BCL2: variants seen among roughly 807,000 people sequenced by gnomAD.
The protein encoded by BCL2 is apoptosis regulator Bcl-2.
A neutral mutation model predicts 14.2 loss-of-function variants in BCL2; 1 was observed. The ratio of observed to expected loss-of-function variants is 0.07; its 90% CI spans 0.02 to 0.33. The LOEUF (loss-of-function observed/expected upper bound fraction) is 0.33. Among genes scored for constraint, BCL2 ranks in the 10% least tolerant of loss-of-function variants. The probability of loss-of-function intolerance (pLI) is 0.99; values close to 1 mark genes in which losing one functional copy is unlikely to be tolerated. For synonymous variants in BCL2, 151 were observed against 137.2 expected (o/e 1.10, Z -0.70); for missense variants, 247 against 305.9 (o/e 0.81, Z 1.44).
At chr18:63,202,240 C>T (rs944302173) in intron 2 of BCL2, among the ~76,000 whole-genome samples, 4 of 152,060 alleles carry the variant, frequency 2.6e-5, no homozygotes, top group African/African-American at 9.7e-5. Flanking sequence ...ACTCAGGAGG[C>T]GGAGGTTGCA....
intron 2 of BCL2, among the ~76,000 whole-genome samples, chr18:63,286,006 T>C (rs1912461963): frequency 6.6e-6 from 1 of 152,242 alleles, no homozygotes; most frequent in African/African-American, 2.4e-5. Flanking sequence ...ATGCCCTTAC[T>C]TCTCCTGGGT....
In BCL2 at chr18:63,291,750, C is replaced by T. The variant is rs1453613226; in HGVS notation, c.585+26332G>A. Among the ~76,000 whole-genome samples, 5 of 147,186 alleles carry T rather than the reference C, an allele frequency of 3.4e-5. No homozygotes were observed. The East Asian group carries it at 5.9e-4, about 17-fold the overall frequency. ...TCTTTTTTTTTTTTTCTCAATAAAGCGGGAAAAAATGCTGAAAGAATTTTT... is the reference window on the plus strand; with the variant it reads ...TCTTTTTTTTTTTTTCTCAATAAAGTGGGAAAAAATGCTGAAAGAATTTTT... On this transcript the variant is annotated intron_variant, in intron 2 of 2. Transcript: ENST00000333681.
At chr18:63,185,888 C>T (rs757054322) in intron 2 of BCL2, among the ~76,000 whole-genome samples, 3 of 152,192 alleles carry the variant, frequency 2.0e-5, no homozygotes, top group Non-Finnish European at 4.4e-5. Context: ...CTATCTTTTT[C>T]CATTACATAT....
At chr18:63,208,273 TTTTG>T in intron 2 of BCL2, 1 of 152,348 alleles carries the variant, frequency 6.6e-6, no homozygotes. Context: ...CAAGGCAATC[TTTTG>T]TTTATGAAAA....
rs368096361 is a variant in BCL2 at position 63,247,748 on chromosome 18, C to T, written c.585+70334G>A. Among the ~76,000 whole-genome samples, 28 of 152,274 alleles carry T rather than the reference C, an allele frequency of 1.8e-4. 1 individual carries two copies. The East Asian group carries it at 4.1e-3, about 22-fold the overall frequency. On this transcript the variant is annotated intron_variant, in intron 2 of 2. Coordinates refer to ENST00000333681, the MANE Select transcript of BCL2 (RefSeq NM_000633.3). Reference sequence around the variant, plus strand: ...TGAGGGATGCCCTGTCACCAAGCCACCATTCCAGTGCCAAGCTGGCCTCCC... The same window carrying T: ...TGAGGGATGCCCTGTCACCAAGCCATCATTCCAGTGCCAAGCTGGCCTCCC...
At chr18:63,320,055 CGCGGCGGGGCCACGGAGA>C (rs1426979348), upstream of BCL2, 1 of 146,386 alleles carries the variant, frequency 6.8e-6, no homozygotes. Flanking sequence ...GCGGCGGCAG[CGCGGCGGGGCCACGGAGA>C]GCGGCGGGCG....
chr18:63,287,372 G>A (rs760580525), intron 2 of BCL2, among the ~76,000 whole-genome samples: 25 of 152,290 alleles, frequency 1.6e-4, no homozygotes, highest in Non-Finnish European at 2.6e-4. Context: ...TGGCATTGAC[G>A]AAGAGGATGG....
intron 2 of BCL2, among the ~76,000 whole-genome samples, chr18:63,247,833 A>T (rs989715477): frequency 3.3e-5 from 5 of 152,204 alleles, no homozygotes; most frequent in African/African-American, 4.8e-5. Context: ...CATGCCCAAG[A>T]TGTCGTAAGA....
At chr18:63,230,805 T>C (rs1374058665) in intron 2 of BCL2, among the ~76,000 whole-genome samples, 1 of 152,066 alleles carries the variant, frequency 6.6e-6, no homozygotes, top group African/African-American at 2.4e-5. Flanking sequence ...TGTATTTTTA[T>C]GAGTTCAGTC....
intron 2 of BCL2, among the ~76,000 whole-genome samples, chr18:63,199,172 CAT>C (rs1474241618): frequency 2.7e-5 from 4 of 148,474 alleles, no homozygotes; most frequent in East Asian, 4.0e-4. Context: ...ACACACATCA[CAT>C]AGACACATAC....
chr18:63,169,854 G>A (rs78212066), intron 2 of BCL2, among the ~76,000 whole-genome samples: 15 of 152,156 alleles, frequency 9.9e-5, no homozygotes, highest in South Asian at 4.2e-4. Flanking sequence ...GCCGGTGGCC[G>A]TCATCAAAGT....
intron 2 of BCL2, among the ~76,000 whole-genome samples, chr18:63,134,001 T>C (rs578200578): frequency 4.6e-5 from 7 of 152,292 alleles, no homozygotes; most frequent in South Asian, 4.1e-4. Context: ...TAAGGTCATA[T>C]TGAGTAAAGC....
intron 2 of BCL2, among the ~76,000 whole-genome samples, chr18:63,139,181 G>A (rs4987829): frequency 0.2 from 30,086 of 152,208 alleles, 3,583 homozygotes; most frequent in Non-Finnish European, 0.27. Context: ...AATACTGCAG[G>A]GCACCTGTGG....
chr18:63,147,016 C>T (rs1426553634), intron 2 of BCL2, among the ~76,000 whole-genome samples: 2 of 152,154 alleles, frequency 1.3e-5, no homozygotes, highest in Non-Finnish European at 2.9e-5. Flanking sequence ...GGAACACATC[C>T]TTTGGAGGGG....
chr18:63,258,805 T>G (rs748193692), intron 2 of BCL2, among the ~76,000 whole-genome samples: 3 of 152,234 alleles, frequency 2.0e-5, no homozygotes, highest in Non-Finnish European at 4.4e-5. Context: ...CAAATTATTT[T>G]TGGACTTTTT....
At chr18:63,132,132 A>C (rs1179592329) in intron 2 of BCL2, among the ~76,000 whole-genome samples, 3 of 152,236 alleles carry the variant, frequency 2.0e-5, no homozygotes, top group African/African-American at 7.2e-5. Flanking sequence ...TGAGAAGGGC[A>C]TGGGACTTGG....
chr18:63,202,098 C>A (rs1909711768), intron 2 of BCL2, among the ~76,000 whole-genome samples: 1 of 152,138 alleles, frequency 6.6e-6, no homozygotes, highest in Non-Finnish European at 1.5e-5. Flanking sequence ...CACTTGAGGT[C>A]AGGAGTTTCT....
intron 2 of BCL2, among the ~76,000 whole-genome samples, chr18:63,290,413 A>G (rs572914290): frequency 6.6e-6 from 1 of 152,362 alleles, no homozygotes; most frequent in South Asian, 2.1e-4. Flanking sequence ...GTCAAGACAG[A>G]CAGTATTAAA....
chr18:63,170,906 C>T (rs561376357), intron 2 of BCL2, among the ~76,000 whole-genome samples: 8 of 152,286 alleles, frequency 5.3e-5, no homozygotes, highest in African/African-American at 1.9e-4. Context: ...TTACACCAAT[C>T]GAGTGTCTTC....
Sources: gnomAD v4.1 joint callset for allele counts (sites outside exome capture counted in the v4.1 genomes callset) on GRCh38, gnomAD v4.1.1 for gene constraint, MANE v1.5 for transcripts, NCBI Gene and HGNC (gene_info 2026-07-23, HGNC 2026-07-21) for gene names.